Variants in RASGEF1A observed in about 807,000 individuals in gnomAD.
RASGEF1A encodes the protein RasGEF domain family member 1A.
A neutral mutation model predicts 56.4 loss-of-function variants in RASGEF1A; 18 were observed. That is an observed-to-expected ratio of 0.32 (90% CI 0.22 to 0.47). RASGEF1A has a LOEUF of 0.47. Ranked by LOEUF, RASGEF1A falls within the 20% of genes least tolerant of loss-of-function variation. The pLI is 1.00. For synonymous variants in RASGEF1A, 245 were observed against 242.6 expected (o/e 1.01, Z -0.09); for missense variants, 422 against 627.1 (o/e 0.67, Z 3.49).
chr10:43,238,989 G>A (rs1013326151), intron 1 of RASGEF1A, among the ~76,000 whole-genome samples: 8 of 152,206 alleles, frequency 5.3e-5, no homozygotes, highest in African/African-American at 1.4e-4. Context: ...ACAGGCTCTC[G>A]AAGAAGGGGT....
intron 1 of RASGEF1A, among the ~76,000 whole-genome samples, chr10:43,224,746 AATAAG>A (rs1307188374): frequency 3.3e-5 from 5 of 152,256 alleles, no homozygotes; most frequent in African/African-American, 7.2e-5. Flanking sequence ...TAGAAAACAT[AATAAG>A]ATAAGAAAAC....
chr10:43,232,939 A>T (rs945285293), intron 1 of RASGEF1A, among the ~76,000 whole-genome samples: 8 of 152,140 alleles, frequency 5.3e-5, no homozygotes, highest in Admixed American at 2.0e-4. Context: ...ATCTCGATGA[A>T]GGCAGAGTCC....
At chr10:43,242,729 C>T (rs367707247) in intron 1 of RASGEF1A, among the ~76,000 whole-genome samples, 6 of 152,196 alleles carry the variant, frequency 3.9e-5, no homozygotes, top group South Asian at 2.1e-4. Flanking sequence ...GACAGGGTTT[C>T]GCTGTGTTGA....
Position 43,205,884 on chromosome 10 carries a change from C to T in RASGEF1A, c.198+35G>A, listed in dbSNP as rs1174834852. On this transcript the variant is annotated intron_variant, in intron 2 of 12. Transcript: ENST00000395810. ...ACATCTCCTGGAGCCCAGGTCACCC[C>T]ATTAGTCTCACTCCACAAGGCCCCA... is the stretch of plus-strand genomic sequence containing the variant. The T allele has an allele frequency of 1.9e-6, 3 of 1,546,878 alleles. No individual in the cohort carries two copies. The Admixed American group carries it at 5.0e-5, about 26-fold the overall frequency.
chr10:43,196,124 T>C lies in RASGEF1A; in HGVS notation c.*120A>G. On this transcript the variant is annotated 3_prime_UTR_variant, in exon 13 of 13. Coordinates refer to ENST00000395810, the MANE Select transcript of RASGEF1A (RefSeq NM_145313.4). This position sits in a 1 kb window ranked among gnomAD's most constrained non-coding sequence, Gnocchi z 4.6. ...TGAAATAATTACCATTTTTTTCTCA[T>C]AAAAGTTATATACAAAATGGACCCC... 2.1e-6 allele frequency: 2 copies of C among 930,276 alleles called. No individual in the cohort carries two copies. Among genetic ancestry groups the C allele is most frequent in the Non-Finnish European group, 3.2e-6 (2 of 617,610 alleles). 57.6% of individuals were successfully genotyped at this position (930,276 alleles called of 1,614,324 possible).
intron 1 of RASGEF1A, among the ~76,000 whole-genome samples, chr10:43,250,173 T>A (rs919397699): frequency 6.6e-6 from 1 of 152,342 alleles, no homozygotes; most frequent in Admixed American, 6.5e-5. Context: ...TGGCACTGTG[T>A]ACCCTTGGCC....
At position 43,208,365 on chromosome 10, in the gene RASGEF1A, C is replaced by G. The variant is rs866434747; in HGVS notation, c.-6-2243G>C. 1.4e-4 allele frequency: 137 copies of G among 985,894 alleles called. No individual in the cohort carries two copies. In the African/African-American group the frequency reaches 2.2e-3, roughly 16 times the overall value. 61.1% of individuals were successfully genotyped at this position (985,894 alleles called of 1,614,324 possible). ...GCCGATCCCCCACAGGGCAAGGCCACTCCATGTCCAGCCTGCAGAGAGACC... is the reference window on the plus strand; with the variant it reads ...GCCGATCCCCCACAGGGCAAGGCCAGTCCATGTCCAGCCTGCAGAGAGACC... On this transcript the variant is annotated intron_variant, in intron 1 of 12. Transcript: ENST00000395810.
intron 1 of RASGEF1A, among the ~76,000 whole-genome samples, chr10:43,220,473 A>G (rs1222322010): frequency 7.9e-5 from 12 of 152,166 alleles, no homozygotes; most frequent in Non-Finnish European, 1.6e-4. Flanking sequence ...TGGGTGACAG[A>G]GCCTGGGCAA....
At chr10:43,216,070 C>A (rs946365505) in intron 1 of RASGEF1A, among the ~76,000 whole-genome samples, 1 of 152,208 alleles carries the variant, frequency 6.6e-6, no homozygotes, top group Admixed American at 6.5e-5. Context: ...CCAAAACATG[C>A]ACTGACTGAT....
chr10:43,218,006 C>T (rs1374623323), intron 1 of RASGEF1A, among the ~76,000 whole-genome samples: 1 of 152,182 alleles, frequency 6.6e-6, no homozygotes, highest in East Asian at 1.9e-4. Context: ...GCTGGGCGTC[C>T]AATGGGAAGG....
At chr10:43,233,632 G>A (rs899205254) in intron 1 of RASGEF1A, among the ~76,000 whole-genome samples, 1 of 152,184 alleles carries the variant, frequency 6.6e-6, no homozygotes, top group African/African-American at 2.4e-5. Context: ...ACGTGCTGAC[G>A]AGATAGCACA....
chr10:43,218,741 C>T (rs1180476747), intron 1 of RASGEF1A, among the ~76,000 whole-genome samples: 2 of 152,268 alleles, frequency 1.3e-5, no homozygotes, highest in Non-Finnish European at 2.9e-5. Context: ...AGGCCGGACT[C>T]CAACAAGGAG....
At chr10:43,223,243 C>T (rs371538807) in intron 1 of RASGEF1A, among the ~76,000 whole-genome samples, 1 of 152,112 alleles carries the variant, frequency 6.6e-6, no homozygotes, top group East Asian at 1.9e-4. Context: ...GCCACATGGT[C>T]GTATGTTATA....
intron 1 of RASGEF1A, among the ~76,000 whole-genome samples, chr10:43,218,179 G>A (rs114343051): frequency 3.7e-4 from 57 of 152,322 alleles, no homozygotes; most frequent in African/African-American, 1.1e-3. Context: ...GAGCACTAGC[G>A]GTCCTATAGG....
chr10:43,221,157 G>A (rs984288222), intron 1 of RASGEF1A, among the ~76,000 whole-genome samples: 3 of 152,134 alleles, frequency 2.0e-5, no homozygotes, highest in Non-Finnish European at 4.4e-5. Context: ...GAAGGAACTT[G>A]GACCCTGGGC....
At chr10:43,244,895 CCACCTT>C (rs1485726214) in intron 1 of RASGEF1A, among the ~76,000 whole-genome samples, 1 of 151,738 alleles carries the variant, frequency 6.6e-6, no homozygotes, top group Non-Finnish European at 1.5e-5. Flanking sequence ...ACCTAACATT[CCACCTT>C]GAGAAACTAG....
intron 7 of RASGEF1A, among the ~76,000 whole-genome samples, chr10:43,199,462 G>T (rs1259617423): frequency 6.6e-6 from 1 of 152,222 alleles, no homozygotes; most frequent in Non-Finnish European, 1.5e-5. Context: ...AAATGGTGCT[G>T]GGCACAAGGG....
chr10:43,198,275 G>C, intron 9 of RASGEF1A, 80 bp from the exon 10 acceptor site: 1 of 1,295,862 alleles, frequency 7.7e-7, no homozygotes, highest in Non-Finnish European at 1.0e-6. Flanking sequence ...CTGCAGAGCA[G>C]GAGGCAGCAG....
At chr10:43,213,425 G>C (rs1588935103) in intron 1 of RASGEF1A, among the ~76,000 whole-genome samples, 1 of 152,200 alleles carries the variant, frequency 6.6e-6, no homozygotes, top group Non-Finnish European at 1.5e-5. Context: ...GAAGTGGCTA[G>C]ACTGAGGGTC....
Sources: gnomAD v4.1 joint callset for allele counts (sites outside exome capture counted in the v4.1 genomes callset) on GRCh38, gnomAD v4.1.1 for gene constraint, Gnocchi (gnomAD v3.1) non-coding constraint, MANE v1.5 for transcripts, NCBI Gene and HGNC (gene_info 2026-07-23, HGNC 2026-07-21) for gene names.